Variants in SENP2 observed in about 807,000 individuals in gnomAD.
SENP2 encodes sentrin-specific protease 2.
In SENP2, 16 loss-of-function variants were observed where a neutral mutation model predicts 86.3. The observed-to-expected ratio is 0.19, with a 90% CI of 0.13 to 0.28. SENP2 has a LOEUF of 0.28. Ranked by LOEUF, SENP2 falls within the 10% of genes least tolerant of loss-of-function variation. The pLI is 1.00. For synonymous variants in SENP2, 222 were observed against 238.7 expected (o/e 0.93, Z 0.64); for missense variants, 552 against 703.0 (o/e 0.79, Z 2.43).
At chr3:185,594,570 A>C (rs1039860521) in intron 2 of SENP2, among the ~76,000 whole-genome samples, 1 of 152,132 alleles carries the variant, frequency 6.6e-6, no homozygotes, top group Non-Finnish European at 1.5e-5. Flanking sequence ...AAAAAAGCAA[A>C]GCAAGGGTAA....
rs1480602077 is a variant in SENP2, at chr3:185,609,261, G to T, written c.633G>T (p.Glu211Asp). Residue 211 changes from glutamate to aspartate, a missense_variant, in exon 7 of 17, where the codon GAG becomes GAT. This residue lies in a region of SENP2 where 383 missense variants were observed against 427.3 expected (regional missense o/e 0.90). Transcript: ENST00000296257. ...HCTVEEGVQKEEREKYRKLLE... is the reference protein window; with the variant it reads ...HCTVEEGVQKDEREKYRKLLE... ...CTTTTATTTAGGGTGTTCAAAAAGAGGAAAGAGAGAAGTACCGAAAGTTAT... is the reference window on the plus strand; with the variant it reads ...CTTTTATTTAGGGTGTTCAAAAAGATGAAAGAGAGAAGTACCGAAAGTTAT... 1.2e-6 allele frequency: 2 copies of T among 1,612,866 alleles called. No homozygotes were observed. Among genetic ancestry groups the T allele is most frequent in the Non-Finnish European group, 1.7e-6 (2 of 1,179,084 alleles).
rs1440209676 is a variant in SENP2, at chr3:185,629,838, G to A, written c.1764G>A (p.Leu588=). ...TGTGGGAAATCCTTCATCAGCAGTT[G>A]CTGTGAGAAAACTTTGCCTGGTCCC... ...KMVWEILHQQ[L]L is the part of the protein sequence containing the mutation. The change falls in exon 17 of 17, where the codon TTG becomes TTA. Residue 588 remains leucine, a synonymous_variant. Coordinates refer to ENST00000296257, the MANE Select transcript of SENP2 (RefSeq NM_021627.3). 1 of 1,614,128 alleles carries A rather than the reference G, an allele frequency of 6.2e-7. No individual in the cohort carries two copies. The highest frequency in any genetic ancestry group is 1.1e-5 in the South Asian group (1 of 91,080).
chr3:185,587,842 C>G (rs1721845780), intron 1 of SENP2, among the ~76,000 whole-genome samples: 1 of 148,518 alleles, frequency 6.7e-6, no homozygotes. Context: ...TCAGGCGATT[C>G]TTCTGCCTCA....
At chr3:185,615,393 G>A (rs371780448) in intron 11 of SENP2, among the ~76,000 whole-genome samples, 24 of 152,288 alleles carry the variant, frequency 1.6e-4, no homozygotes, top group African/African-American at 5.5e-4. Context: ...GCCCAGGCTG[G>A]AGTGCAATGG....
intron 8 of SENP2, among the ~76,000 whole-genome samples, chr3:185,611,972 C>T (rs1722716922): frequency 6.6e-6 from 1 of 152,082 alleles, no homozygotes; most frequent in Non-Finnish European, 1.5e-5. Context: ...GCCTGGCGAA[C>T]ATGGTAAAAC....
rs1343638388 is a variant in SENP2 at position 185,612,633 on chromosome 3, C to A, written c.844C>A (p.Leu282Ile). The part of the protein sequence containing the change: ...QYRLVETRGP[L>I]CSLRSEKRCS... ...TAGACTTGTTGAAACAAGGGGACCT[C>A]TATGTTCATTGAGAAGTGAAAAGAG... The change falls in exon 9 of 17, where the codon CTA (leucine) becomes ATA (isoleucine). Residue 282 changes from leucine (L) to isoleucine (I), a missense_variant. Transcript: ENST00000296257. 3 of 1,609,502 alleles carry A rather than the reference C, an allele frequency of 1.9e-6. No individual in the cohort carries two copies.
At chr3:185,590,229 A>G (rs907835997) in intron 2 of SENP2, 60 bp downstream of exon 2, 19 of 877,230 alleles carry the variant, frequency 2.2e-5, no homozygotes, top group Middle Eastern at 3.3e-4. Context: ...TATGCATGGA[A>G]CAAAATTCAA....
chr3:185,626,902 C>G lies in SENP2; in HGVS notation c.1707+509C>G, dbSNP rs147059005. ...ACCAGCCTGACCAACATGGAGAAAC[C>G]ATGTCTCTACTAAAAATACAAAAAA... On this transcript the variant is annotated intron_variant, in intron 16 of 16. Coordinates refer to ENST00000296257, the MANE Select transcript of SENP2 (RefSeq NM_021627.3). Among the ~76,000 whole-genome samples, 3 of 151,718 alleles carry G rather than the reference C, an allele frequency of 2.0e-5. No homozygotes were observed. In the East Asian group the frequency reaches 5.8e-4, roughly 29 times the overall value.
At chr3:185,620,957 G>C (rs1711838282) in intron 13 of SENP2, among the ~76,000 whole-genome samples, 1 of 151,364 alleles carries the variant, frequency 6.6e-6, no homozygotes, top group South Asian at 2.1e-4. Context: ...TGGGCAACAT[G>C]GAAAGACCCT....
rs1711751100 is a variant in SENP2 at position 185,619,290 on chromosome 3, A to G, written c.1243-9A>G. On this transcript the variant is annotated splice_polypyrimidine_tract_variant and intron_variant, in intron 12 of 16. Coordinates refer to ENST00000296257, the MANE Select transcript of SENP2 (RefSeq NM_021627.3). ...ATGTTCCAGCTTTTGCTCCCTTGGTATTTTGTAGGTCATTAATTTTTACAT... is the reference window on the plus strand; with the variant it reads ...ATGTTCCAGCTTTTGCTCCCTTGGTGTTTTGTAGGTCATTAATTTTTACAT... 1.2e-6 allele frequency: 2 copies of G among 1,602,708 alleles called. No individual in the cohort carries two copies. Among genetic ancestry groups the G allele is most frequent in the African/African-American group, 2.7e-5 (2 of 74,634 alleles).
rs1310545648 is a variant in SENP2 at position 185,632,258 on chromosome 3, G to A, written c.*2414G>A. 4 of 90,646 alleles carry A rather than the reference G, an allele frequency of 4.4e-5. No homozygotes were observed. Among genetic ancestry groups the A allele is most frequent in the Non-Finnish European group, 6.4e-5 (3 of 46,652 alleles). The allele number at this position is 90,646 out of a possible 1,614,324, so 5.6% of individuals were successfully genotyped here. ...TTTTGTTTTTTTTTTTTTTTTTTGC[G>A]ACAGAGTCTCTTGTCGCCCAGGCTG... On this transcript the variant is annotated 3_prime_UTR_variant, in exon 17 of 17. Coordinates refer to ENST00000296257, the MANE Select transcript of SENP2 (RefSeq NM_021627.3).
rs754582708 is a variant in SENP2, at chr3:185,614,542, AT to A, written c.934-19del. 16 of 1,584,706 alleles carry A rather than the reference AT, an allele frequency of 1.0e-5. No homozygotes were observed. The South Asian group carries it at 1.8e-4, about 18-fold the overall frequency. On this transcript the variant is annotated intron_variant, in intron 10 of 16. Coordinates refer to ENST00000296257, the MANE Select transcript of SENP2 (RefSeq NM_021627.3). The stretch of plus-strand genomic sequence containing the variant: ...TGCAAGTATCAAACATGTCAGTAGA[AT>A]TTAGATAATTTTTTGATCAGAGGAG...
At chr3:185,620,309 T>G (rs904003927) in intron 13 of SENP2, among the ~76,000 whole-genome samples, 6 of 152,186 alleles carry the variant, frequency 3.9e-5, no homozygotes, top group Admixed American at 2.6e-4. Context: ...GCTCCTGGCT[T>G]TAAGCAGTCC....
intron 14 of SENP2, among the ~76,000 whole-genome samples, chr3:185,622,627 T>C (rs1711940527): frequency 6.6e-6 from 1 of 152,054 alleles, no homozygotes. Context: ...GATACACCAA[T>C]TGTTTATAAA....
Position 185,586,446 on chromosome 3 carries a change from C to G in SENP2, c.33C>G (p.Thr11=). The change falls in exon 1 of 17, where the codon ACC becomes ACG. Residue 11 remains threonine (T), a synonymous_variant. Coordinates refer to ENST00000296257, the MANE Select transcript of SENP2 (RefSeq NM_021627.3). The surrounding 1 kb of genome is among the most constrained non-coding windows in gnomAD (Gnocchi z 4.3). ...GATGGCTGGTTAGGATTCTCGGCAC[C>G]ATTTTCCGTTTCTGCGACCGGTCGG... MYRWLVRILG[T]IFRFCDRSVP... 1 of 1,614,102 alleles carries G rather than the reference C, an allele frequency of 6.2e-7. No homozygotes were observed. The highest frequency in any genetic ancestry group is 8.5e-7 in the Non-Finnish European group (1 of 1,180,012).
At chr3:185,607,891 C>T (rs1031048733) in intron 6 of SENP2, among the ~76,000 whole-genome samples, 1 of 152,218 alleles carries the variant, frequency 6.6e-6, no homozygotes, top group African/African-American at 2.4e-5. Flanking sequence ...TGGTGTGCAT[C>T]TCTGCTTTTT....
At chr3:185,619,016 G>A (rs1401898559) in intron 12 of SENP2, among the ~76,000 whole-genome samples, 1 of 152,198 alleles carries the variant, frequency 6.6e-6, no homozygotes, top group East Asian at 1.9e-4. Context: ...TATTTTTGGT[G>A]TGATACAGTT....
In SENP2 at chr3:185,619,351, A is replaced by G. The variant is rs776554213; in HGVS notation, c.1295A>G (p.Tyr432Cys). 4.3e-6 allele frequency: 7 copies of G among 1,614,004 alleles called. No homozygotes were observed. Among genetic ancestry groups the G allele is most frequent in the African/African-American group, 2.7e-5 (2 of 74,952 alleles). ...LLVERNKKQG[Y>C]PALHVFSTFF... is the part of the protein sequence containing the mutation. ...GTGGAAAGAAATAAAAAGCAAGGCT[A>G]TCCAGCACTTCATGTATTCAGTACT... The change falls in exon 13 of 17, where the codon TAT becomes TGT. Residue 432 changes from tyrosine (Y) to cysteine (C), a missense_variant. Tyr to Cys is a radical substitution (Grantham distance 194). Around this residue, in one of 2 missense-constraint regions of SENP2, gnomAD observed 169 missense variants for 275.7 expected, o/e 0.61. Transcript: ENST00000296257.
chr3:185,614,829 C>G (rs1209995103), intron 11 of SENP2, 89 bp downstream of exon 11: 1 of 1,289,648 alleles, frequency 7.8e-7, no homozygotes, highest in African/African-American at 1.5e-5. Context: ...TGAGGACTTT[C>G]TCCAGGCTAG....
Sources: gnomAD v4.1 joint callset for allele counts (sites outside exome capture counted in the v4.1 genomes callset) on GRCh38, gnomAD v4.1.1 for gene constraint, gnomAD v4.1.1 regional missense constraint, Gnocchi (gnomAD v3.1) non-coding constraint, MANE v1.5 for transcripts, NCBI Gene and HGNC (gene_info 2026-07-23, HGNC 2026-07-21) for gene names.